The following TMEM263 variants were observed in gnomAD, a reference collection of about 807,000 sequenced individuals.
TMEM263 encodes UPF0444 transmembrane protein C12orf23.
A neutral mutation model predicts 8.6 loss-of-function variants in TMEM263; 5 were observed. The ratio of observed to expected loss-of-function variants is 0.58; its 90% CI spans 0.31 to 1.23. The LOEUF is 1.23. TMEM263 is among the 50% of genes most tolerant of loss of function. TMEM263 has a pLI of 0.07. For missense variants in TMEM263, 104 were observed against 138.8 expected, an observed-to-expected ratio of 0.75 and a Z score of 1.26; for synonymous variants, 50 against 47.9, an observed-to-expected ratio of 1.04 and a Z score of -0.18.
intron 2 of TMEM263, among the ~76,000 whole-genome samples, chr12:106,966,581 C>T (rs1298215447): frequency 6.6e-6 from 1 of 152,208 alleles, no homozygotes. Flanking sequence ...AACTAATTAA[C>T]ATTCCCATTA....
chr12:106,969,701 G>A (rs1436860931), intron 3 of TMEM263, among the ~76,000 whole-genome samples: 2 of 150,498 alleles, frequency 1.3e-5, no homozygotes, highest in Non-Finnish European at 3.0e-5. Context: ...ACTCCAGCCT[G>A]GGTGACAGAG....
intron 3 of TMEM263, among the ~76,000 whole-genome samples, chr12:106,968,168 T>C (rs929749984): frequency 4.1e-4 from 62 of 152,302 alleles, no homozygotes; most frequent in African/African-American, 1.4e-3. Flanking sequence ...CTAGGTATTA[T>C]ATATTTTTTC....
In TMEM263 at chr12:106,971,624, C is replaced by T. The variant is rs1469126753; in HGVS notation, c.*233C>T. 5 of 410,590 alleles carry T rather than the reference C, an allele frequency of 1.2e-5. No individual in the cohort carries two copies. Among genetic ancestry groups the T allele is most frequent in the Middle Eastern group, 6.1e-4 (1 of 1,634 alleles). The allele number at this position is 410,590 out of a possible 1,614,324, so 25.4% of individuals were successfully genotyped here. ...TATCTGGTAAAATGTTACACTTACT[C>T]GGTTGTAACTGAAGATATGGTATGT... On this transcript the variant is annotated 3_prime_UTR_variant, in exon 4 of 4. Coordinates refer to ENST00000280756, the MANE Select transcript of TMEM263 (RefSeq NM_152261.4).
chr12:106,960,715 G>C (rs960522369), intron 2 of TMEM263, among the ~76,000 whole-genome samples: 3 of 151,828 alleles, frequency 2.0e-5, no homozygotes, highest in Non-Finnish European at 4.4e-5. Flanking sequence ...TGAAAGTCTA[G>C]TTATCTTTTA....
At chr12:106,956,401 G>A (rs537890395) in intron 1 of TMEM263, among the ~76,000 whole-genome samples, 41 of 152,298 alleles carry the variant, frequency 2.7e-4, no homozygotes, top group African/African-American at 9.1e-4. Flanking sequence ...CAGCAGCCTG[G>A]GAGAGGGATG....
chr12:106,973,530 G>T lies in TMEM263; in HGVS notation c.*2139G>T, dbSNP rs942038946. ...CACCTGGTACGTTTTGTCTCATCAG[G>T]ATTGTTTTAAATTCTAAACTATAAG... is the stretch of plus-strand genomic sequence containing the variant. On this transcript the variant is annotated 3_prime_UTR_variant, in exon 4 of 4. Transcript: ENST00000280756. 1 of 152,544 alleles carries T rather than the reference G, an allele frequency of 6.6e-6. No homozygotes were observed. Among genetic ancestry groups the T allele is most frequent in the African/African-American group, 2.4e-5 (1 of 41,422 alleles). The allele number at this position is 152,544 out of a possible 1,614,324, so 9.4% of individuals were successfully genotyped here.
At chr12:106,965,209 C>T (rs1401202631) in intron 2 of TMEM263, among the ~76,000 whole-genome samples, 1 of 152,188 alleles carries the variant, frequency 6.6e-6, no homozygotes, top group Non-Finnish European at 1.5e-5. Flanking sequence ...ATTTCTTCTT[C>T]CGCAAAGACT....
chr12:106,962,122 C>T (rs1951784589), intron 2 of TMEM263, among the ~76,000 whole-genome samples: 1 of 151,932 alleles, frequency 6.6e-6, no homozygotes. Flanking sequence ...TATAAAAATA[C>T]TATATACAAA....
chr12:106,963,386 G>T (rs1183208714), intron 2 of TMEM263, among the ~76,000 whole-genome samples: 3 of 152,150 alleles, frequency 2.0e-5, no homozygotes, highest in Non-Finnish European at 4.4e-5. Flanking sequence ...AACAGTAGAG[G>T]TAATGAGAAG....
chr12:106,969,987 A>G (rs752388632), intron 3 of TMEM263, among the ~76,000 whole-genome samples: 4 of 152,106 alleles, frequency 2.6e-5, no homozygotes, highest in Non-Finnish European at 4.4e-5. Context: ...TACTTAAAGC[A>G]CACACTCTCT....
At chr12:106,961,908 G>GT (rs142615305) in intron 2 of TMEM263, among the ~76,000 whole-genome samples, 7,023 of 152,160 alleles carry the variant, frequency 0.046, 198 homozygotes, top group African/African-American at 0.085. Flanking sequence ...CAAGTATGTT[G>GT]TTTTTTAGAT....
intron 2 of TMEM263, among the ~76,000 whole-genome samples, chr12:106,959,647 A>G (rs991385627): frequency 1.3e-5 from 2 of 152,242 alleles, no homozygotes; most frequent in Non-Finnish European, 2.9e-5. Context: ...AGTTCCTACT[A>G]TAAGAGAAAC....
chr12:106,957,421 A>G (rs763372579), intron 2 of TMEM263, among the ~76,000 whole-genome samples: 1 of 151,454 alleles, frequency 6.6e-6, no homozygotes, highest in African/African-American at 2.4e-5. Flanking sequence ...ACATTGGACA[A>G]ATATACAGAT....
In TMEM263 at chr12:106,955,962, G is replaced by A. The variant is rs1255216799; in HGVS notation, c.-178G>A. ...CGCCTCTGGAGCCGCGACTGCCCGG[G>A]GTTGTGCCGGCCGCCGCTGCCGCCC... is the stretch of plus-strand genomic sequence containing the variant. On this transcript the variant is annotated 5_prime_UTR_variant, in exon 1 of 4. Transcript: ENST00000280756. 3.0e-6 allele frequency: 3 copies of A among 986,512 alleles called. No individual in the cohort carries two copies. Among genetic ancestry groups the A allele is most frequent in the Non-Finnish European group, 3.6e-6 (3 of 831,010 alleles). The allele number at this position is 986,512 out of a possible 1,614,324, so 61.1% of individuals were successfully genotyped here. A position where few individuals can be genotyped will look rare whatever the true frequency, so the allele number is the denominator to read the frequency against.
rs780331971 is a variant in TMEM263, at chr12:106,967,146, A to G, written c.30A>G (p.Glu10=). 7 of 1,601,946 alleles carry G rather than the reference A, an allele frequency of 4.4e-6. No individual in the cohort carries two copies. Among genetic ancestry groups the G allele is most frequent in the Non-Finnish European group, 6.0e-6 (7 of 1,173,780 alleles). The change falls in exon 3 of 4, where the codon GAA becomes GAG. Residue 10 remains glutamate, a synonymous_variant. Coordinates refer to ENST00000280756, the MANE Select transcript of TMEM263 (RefSeq NM_152261.4). MNQTDKNQQ[E]IPSYLNDEPP... The stretch of plus-strand genomic sequence containing the variant: ...ATCAGACAGATAAAAATCAACAAGA[A>G]ATCCCATCATACCTTAATGATGAAC...
chr12:106,962,780 C>A (rs935879870), intron 2 of TMEM263, among the ~76,000 whole-genome samples: 2 of 152,192 alleles, frequency 1.3e-5, no homozygotes, highest in Non-Finnish European at 2.9e-5. Flanking sequence ...TCTCTGTGTT[C>A]ATCATCTCTG....
At chr12:106,968,392 A>G (rs770800252) in intron 3 of TMEM263, among the ~76,000 whole-genome samples, 4 of 151,958 alleles carry the variant, frequency 2.6e-5, no homozygotes, top group Non-Finnish European at 5.9e-5. Flanking sequence ...AAAAAAAAGA[A>G]CTAGCTGATT....
rs369741052 is a variant in TMEM263, at chr12:106,958,863, G to A, written c.-7+1714G>A. Among the ~76,000 whole-genome samples the A allele has an allele frequency of 2.0e-4, 30 of 152,268 alleles. No homozygotes were observed. In the East Asian group the frequency reaches 4.3e-3, roughly 22 times the overall value. ...AGGGCTCAAGCGATCCTCCTGCCTC[G>A]ACCTTTCAAAGTGCTGGGATTACAG... On this transcript the variant is annotated intron_variant, in intron 2 of 3. Coordinates refer to ENST00000280756, the MANE Select transcript of TMEM263 (RefSeq NM_152261.4).
intron 1 of TMEM263, 133 bp from the exon 2 acceptor site, chr12:106,956,949 C>G (rs1342762738): frequency 2.4e-6 from 1 of 417,060 alleles, no homozygotes; most frequent in Non-Finnish European, 3.2e-6. Context: ...AAGGGGCCAC[C>G]CGGAAGGGTT....
Sources: allele counts gnomAD v4.1 joint callset (sites outside exome capture counted in the v4.1 genomes callset), GRCh38; gene constraint gnomAD v4.1.1; transcripts MANE v1.5; gene names NCBI Gene and HGNC (gene_info 2026-07-23, HGNC 2026-07-21).